Variants in TDRD12 observed in about 807,000 individuals in gnomAD.
TDRD12 encodes putative ATP-dependent RNA helicase TDRD12.
In TDRD12, 158 loss-of-function variants were observed where a neutral mutation model predicts 133.5. The ratio of observed to expected loss-of-function variants is 1.18; its 90% CI spans 1.04 to 1.35. The LOEUF is 1.35. Among genes scored for constraint, TDRD12 ranks in the 40% most tolerant of loss-of-function variants. TDRD12 has a pLI of 0.00. For synonymous variants in TDRD12, 460 were observed against 477.9 expected (o/e 0.96, Z 0.49); for missense variants, 1,443 against 1,321.3 (o/e 1.09, Z -1.43).
At chr19:32,814,946 A>C (rs1460204517) in intron 25 of TDRD12, among the ~76,000 whole-genome samples, 1 of 152,164 alleles carries the variant, frequency 6.6e-6, no homozygotes, top group Non-Finnish European at 1.5e-5. Context: ...GCTGTTGCAG[A>C]TTTTTATGTT....
At chr19:32,828,638 A>G (rs6510297) in exon 10 of TDRD12, 90,169 of 151,942 alleles carry the variant, frequency 0.59, 27,692 homozygotes, top group East Asian at 0.82. Flanking sequence ...AGAAAGCGCC[A>G]ATGCCCAGGC....
chr19:32,741,143 C>T (rs775968890), intron 3 of TDRD12, among the ~76,000 whole-genome samples: 3 of 152,156 alleles, frequency 2.0e-5, no homozygotes, highest in Non-Finnish European at 2.9e-5. Flanking sequence ...AATGCAGTGG[C>T]GTGATCTTGG....
chr19:32,749,906 A>G, intron 6 of TDRD12, 37 bp downstream of exon 6: 3 of 1,386,066 alleles, frequency 2.2e-6, no homozygotes, highest in Non-Finnish European at 3.0e-6. Context: ...ATATTTCATC[A>G]TTTTAAATTT....
chr19:32,746,307 G>A (rs112399477), intron 4 of TDRD12, among the ~76,000 whole-genome samples: 2 of 121,392 alleles, frequency 1.6e-5, no homozygotes, highest in African/African-American at 6.3e-5. Flanking sequence ...TGTGACAGAG[G>A]GGGAGAGAGA....
chr19:32,743,446 C>T (rs1426045593), intron 4 of TDRD12, among the ~76,000 whole-genome samples: 1 of 151,264 alleles, frequency 6.6e-6, no homozygotes, highest in Non-Finnish European at 1.5e-5. Flanking sequence ...TAGGGTCTCA[C>T]TATCTTGCCC....
chr19:32,821,244 C>T, exon 28 of TDRD12: 1 of 984,986 alleles, frequency 1.0e-6, no homozygotes, highest in African/African-American at 1.6e-5. Flanking sequence ...GAGAAGATGA[C>T]ATAAACTGAT....
chr19:32,724,745 G>T (rs1489365725), intron 1 of TDRD12, among the ~76,000 whole-genome samples: 1 of 152,030 alleles, frequency 6.6e-6, no homozygotes, highest in East Asian at 1.9e-4. Context: ...CCCAGTAATG[G>T]GATTGCTGGG....
intron 8 of TDRD12, among the ~76,000 whole-genome samples, chr19:32,764,324 A>G (rs1288064555): frequency 6.6e-6 from 1 of 151,896 alleles, no homozygotes; most frequent in Admixed American, 6.6e-5. Context: ...GTTAGCCAGG[A>G]TGGTCTAGAT....
chr19:32,825,103 C>G (rs532823198), downstream of TDRD12, among the ~76,000 whole-genome samples: 1 of 152,274 alleles, frequency 6.6e-6, no homozygotes, highest in South Asian at 2.1e-4. The surrounding 1 kb of genome is among the most constrained non-coding windows in gnomAD (Gnocchi z 4.1). Context: ...CTCAGAAGGG[C>G]TTGGGGATTG....
intron 5 of TDRD12, among the ~76,000 whole-genome samples, chr19:32,749,411 C>T (rs1969754400): frequency 1.3e-5 from 2 of 152,120 alleles, no homozygotes; most frequent in Non-Finnish European, 2.9e-5. Flanking sequence ...AGCACAGCAC[C>T]TGGTAGGTGG....
At chr19:32,723,061 G>A (rs189446005) in intron 1 of TDRD12, among the ~76,000 whole-genome samples, 1 of 152,134 alleles carries the variant, frequency 6.6e-6, no homozygotes, top group East Asian at 1.9e-4. Flanking sequence ...TGTATATGGT[G>A]CAAGGAATGG....
At chr19:32,720,181 C>A (rs1968582988) in intron 1 of TDRD12, 85 bp downstream of exon 1, 2 of 1,467,074 alleles carry the variant, frequency 1.4e-6, no homozygotes, top group African/African-American at 1.5e-5. Context: ...CACCCCCACC[C>A]CAGCTCCGCA....
intron 11 of TDRD12, among the ~76,000 whole-genome samples, chr19:32,780,775 T>A (rs2145629448): frequency 6.9e-6 from 1 of 144,598 alleles, no homozygotes; most frequent in South Asian, 2.2e-4. Flanking sequence ...AATAATTATC[T>A]TGTTTTTTTC....
chr19:32,813,386 G>A (rs1967070403), intron 24 of TDRD12, among the ~76,000 whole-genome samples: 1 of 152,184 alleles, frequency 6.6e-6, no homozygotes, highest in Non-Finnish European at 1.5e-5. Flanking sequence ...TGGAGGAGAT[G>A]GGGTACGCAC....
Position 32,719,878 on chromosome 19 carries a change from C to T in TDRD12, c.-195C>T, listed in dbSNP as rs1968564518. The stretch of plus-strand genomic sequence containing the variant: ...CAGGACGGAGCGCATTGCCTCGAGC[C>T]GACCCCGGGGTCCGCGAGGGCTCCT... On this transcript the variant is annotated 5_prime_UTR_variant, in exon 1 of 28. Transcript: ENST00000444215. 4.7e-6 allele frequency: 3 copies of T among 644,094 alleles called. 1 individual carries two copies. In the South Asian group the frequency reaches 5.4e-5, roughly 12 times the overall value. 39.9% of individuals were successfully genotyped at this position (644,094 alleles called of 1,614,324 possible).
intron 8 of TDRD12, 82 bp downstream of exon 8, chr19:32,757,212 A>G (rs1970021957): frequency 1.2e-5 from 14 of 1,132,916 alleles, no homozygotes; most frequent in African/African-American, 3.1e-5. Context: ...AAGGTTGTCT[A>G]GAAAGGCCAT....
At chr19:32,823,350 A>AT (rs1967469168), downstream of TDRD12, among the ~76,000 whole-genome samples, 1 of 151,684 alleles carries the variant, frequency 6.6e-6, no homozygotes, top group Non-Finnish European at 1.5e-5. Flanking sequence ...TCCTAAGGAA[A>AT]TTCTTCCAGC....
chr19:32,804,942 A>G (rs1800019415), intron 21 of TDRD12, among the ~76,000 whole-genome samples: 1 of 151,670 alleles, frequency 6.6e-6, no homozygotes, highest in Non-Finnish European at 1.5e-5. Flanking sequence ...GCATTCTCCT[A>G]TATTTCTAGA....
chr19:32,766,324 A>G (rs1466650909), intron 8 of TDRD12, among the ~76,000 whole-genome samples: 1 of 152,188 alleles, frequency 6.6e-6, no homozygotes, highest in Non-Finnish European at 1.5e-5. Flanking sequence ...TAAGCACATC[A>G]TGGAGAATGG....
Sources: allele counts gnomAD v4.1 joint callset (sites outside exome capture counted in the v4.1 genomes callset), GRCh38; gene constraint gnomAD v4.1.1; non-coding constraint Gnocchi (gnomAD v3.1); transcripts MANE v1.5; gene names NCBI Gene and HGNC (gene_info 2026-07-23, HGNC 2026-07-21).